Variants in CDKAL1 observed in about 807,000 individuals in gnomAD.
The protein encoded by CDKAL1 is threonylcarbamoyladenosine tRNA methylthiotransferase.
Under a neutral mutation model 68.2 loss-of-function variants are expected in CDKAL1, and 32 were observed. The observed-to-expected ratio is 0.47, with a 90% CI of 0.35 to 0.63. The LOEUF is 0.63. CDKAL1 is among the 30% of genes least tolerant of loss of function. The pLI is 0.00. For synonymous variants in CDKAL1, 234 were observed against 244.3 expected, an observed-to-expected ratio of 0.96 and a Z score of 0.39; for missense variants, 606 against 696.7, an observed-to-expected ratio of 0.87 and a Z score of 1.47.
At chr6:20,739,199 G>T (rs918015980) in intron 5 of CDKAL1, among the ~76,000 whole-genome samples, 6 of 152,158 alleles carry the variant, frequency 3.9e-5, no homozygotes, top group African/African-American at 7.2e-5. Context: ...GAGTTAGCTT[G>T]CCTATCTGGA....
intron 11 of CDKAL1, among the ~76,000 whole-genome samples, chr6:21,058,601 A>T (rs953767784): frequency 1.3e-5 from 2 of 152,182 alleles, no homozygotes; most frequent in African/African-American, 2.4e-5. Flanking sequence ...TAGTTGCTTC[A>T]TAGTGTCATT....
At chr6:20,975,304 A>G (rs570591853) in intron 10 of CDKAL1, among the ~76,000 whole-genome samples, 2 of 152,322 alleles carry the variant, frequency 1.3e-5, no homozygotes, top group Admixed American at 1.3e-4. Context: ...AAATTGCCTA[A>G]TTTCACATCT....
chr6:20,853,271 A>G (rs1304667557), intron 9 of CDKAL1, among the ~76,000 whole-genome samples: 1 of 152,078 alleles, frequency 6.6e-6, no homozygotes, highest in Non-Finnish European at 1.5e-5. Flanking sequence ...AACCCCAGCT[A>G]CTTGGGAGGC....
In CDKAL1 at chr6:21,190,522, C is replaced by T. The variant is rs532644645; in HGVS notation, c.1300-7499C>T. ...AGCTGGGATTACAGGCATCTGCCAC[C>T]GCACCTGGCTAATTTTTGTATTTTT... On this transcript the variant is annotated intron_variant, in intron 13 of 15. Transcript: ENST00000274695. 1.4e-4 allele frequency among the ~76,000 whole-genome samples: 22 copies of T among 152,254 alleles called. No homozygotes were observed. In the South Asian group the frequency reaches 3.9e-3, roughly 27 times the overall value.
At chr6:20,965,996 G>T (rs1306976168) in intron 10 of CDKAL1, among the ~76,000 whole-genome samples, 1 of 152,130 alleles carries the variant, frequency 6.6e-6, no homozygotes, top group African/African-American at 2.4e-5. Context: ...CCTATGAAAG[G>T]CTACCTTAGG....
intron 7 of CDKAL1, among the ~76,000 whole-genome samples, chr6:20,761,393 T>G (rs970539787): frequency 6.6e-6 from 1 of 152,236 alleles, no homozygotes; most frequent in African/African-American, 2.4e-5. Context: ...AACACAGTCT[T>G]ACATCATCCA....
intron 5 of CDKAL1, among the ~76,000 whole-genome samples, chr6:20,661,914 A>T (rs1581916762): frequency 6.6e-6 from 1 of 152,324 alleles, no homozygotes; most frequent in East Asian, 1.9e-4. Flanking sequence ...TGTTGTCCTA[A>T]CAACTCTGTA....
chr6:20,590,066 A>C (rs528089721), intron 4 of CDKAL1, among the ~76,000 whole-genome samples: 271 of 152,320 alleles, frequency 1.8e-3, no homozygotes, highest in Non-Finnish European at 3.0e-3. Flanking sequence ...GAAAATATTT[A>C]AGGTACTTAA....
chr6:20,791,756 G>C (rs1452488069), intron 8 of CDKAL1, among the ~76,000 whole-genome samples: 2 of 152,082 alleles, frequency 1.3e-5, no homozygotes, highest in African/African-American at 4.8e-5. Context: ...TTCCTATTAT[G>C]GTTATTTTAA....
rs11456476 is a variant in CDKAL1 at position 21,155,252 on chromosome 6, G to GTT, written c.1300-42762_1300-42761dup. ...TTTCCCTAAGCAATTGTTTTATCTAGTTTTTTTTCCCCCCGAATTATATTA... is the reference window on the plus strand; with the variant it reads ...TTTCCCTAAGCAATTGTTTTATCTAGTTTTTTTTTTCCCCCCGAATTATATTA... On this transcript the variant is annotated intron_variant, in intron 13 of 15. Transcript: ENST00000274695. Among the ~76,000 whole-genome samples the GTT allele has an allele frequency of 5.4e-4, 82 of 151,484 alleles. 2 individuals carry two copies. The highest frequency in any genetic ancestry group is 3.4e-3 in the Middle Eastern group (1 of 294).
At chr6:20,538,653 A>C (rs1763270501) in intron 2 of CDKAL1, among the ~76,000 whole-genome samples, 1 of 152,206 alleles carries the variant, frequency 6.6e-6, no homozygotes, top group Non-Finnish European at 1.5e-5. Flanking sequence ...AATGTTATTT[A>C]ATTATTCATG....
At chr6:21,063,039 C>T (rs1388813062) in intron 11 of CDKAL1, among the ~76,000 whole-genome samples, 2 of 152,092 alleles carry the variant, frequency 1.3e-5, no homozygotes, top group African/African-American at 2.4e-5. Flanking sequence ...CTCAGCCACC[C>T]GAAGAGCTGG....
chr6:20,704,169 A>C lies in CDKAL1; in HGVS notation c.372-35350A>C, dbSNP rs147165370. On this transcript the variant is annotated intron_variant, in intron 5 of 15. Coordinates refer to ENST00000274695, the MANE Select transcript of CDKAL1 (RefSeq NM_017774.3). The stretch of plus-strand genomic sequence containing the variant: ...GAAACAAACAAACATTCCTTGACTC[A>C]ATTTTTTTATCAAATTACACCAAGT... 1.7e-4 allele frequency among the ~76,000 whole-genome samples: 26 copies of C among 152,030 alleles called. No homozygotes were observed. The East Asian group carries it at 4.8e-3, about 28-fold the overall frequency.
At chr6:20,611,249 T>G (rs1163769335) in intron 4 of CDKAL1, among the ~76,000 whole-genome samples, 1 of 152,178 alleles carries the variant, frequency 6.6e-6, no homozygotes, top group Admixed American at 6.5e-5. Context: ...GTTTCGTGTC[T>G]TAGCCCTGGA....
intron 5 of CDKAL1, among the ~76,000 whole-genome samples, chr6:20,649,928 A>AG (rs1768671575): frequency 6.6e-6 from 1 of 152,206 alleles, no homozygotes; most frequent in Non-Finnish European, 1.5e-5. Flanking sequence ...ATAGTATTCC[A>AG]TGGTGTATAT....
intron 8 of CDKAL1, among the ~76,000 whole-genome samples, chr6:20,831,041 C>T (rs6901110): frequency 0.65 from 98,064 of 151,756 alleles, 32,037 homozygotes; most frequent in African/African-American, 0.68. Context: ...CTCTATATTA[C>T]GTCCACCCTA....
chr6:20,859,907 A>C (rs1759523874), intron 9 of CDKAL1, among the ~76,000 whole-genome samples: 1 of 151,884 alleles, frequency 6.6e-6, no homozygotes, highest in Admixed American at 6.6e-5. Flanking sequence ...CTTTTCCTTG[A>C]GTGGTTTTTC....
chr6:21,065,676 C>CTTTTTTTTTTTT (rs200076110), intron 12 of CDKAL1, among the ~76,000 whole-genome samples: 2 of 133,230 alleles, frequency 1.5e-5, no homozygotes, highest in Non-Finnish European at 1.6e-5. Flanking sequence ...ATCTTTCTAC[C>CTTTTTTTTTTTT]TTTTTTTTTT....
rs182352568 is a variant in CDKAL1, at chr6:20,537,325, C to T, written c.-6+1931C>T. Among the ~76,000 whole-genome samples, 142 of 152,072 alleles carry T rather than the reference C, an allele frequency of 9.3e-4. 1 individual carries two copies. The highest frequency in any genetic ancestry group is 1.2e-3 in the South Asian group (6 of 4,822). On this transcript the variant is annotated intron_variant, in intron 2 of 15. Transcript: ENST00000274695. ...AGATTTGATATGATGAAAAGCTTCC[C>T]GCTGGGTGCAGTGGCTCACGCCTGT... is the stretch of plus-strand genomic sequence containing the variant.
Sources: gnomAD v4.1 joint callset for allele counts (sites outside exome capture counted in the v4.1 genomes callset) on GRCh38, gnomAD v4.1.1 for gene constraint, MANE v1.5 for transcripts, NCBI Gene and HGNC (gene_info 2026-07-23, HGNC 2026-07-21) for gene names.